Variants in INSR observed in about 807,000 individuals in gnomAD.
INSR encodes the protein insulin receptor.
In INSR, 67 loss-of-function variants were observed where a neutral mutation model predicts 142.6. That is an observed-to-expected ratio of 0.47 (90% CI 0.39 to 0.58). INSR has a LOEUF of 0.58. Among genes scored for constraint, INSR ranks in the 20% least tolerant of loss-of-function variants. INSR has a pLI of 0.00. For missense variants in INSR, 1,248 were observed against 1,833.2 expected (o/e 0.68, Z 5.83); for synonymous variants, 756 against 743.1 (o/e 1.02, Z -0.28).
chr19:7,153,263 A>C (rs1973469685), intron 9 of INSR, among the ~76,000 whole-genome samples: 1 of 145,782 alleles, frequency 6.9e-6, no homozygotes, highest in African/African-American at 2.6e-5. Context: ...CACACACTAC[A>C]TGCACACCTC....
rs546010863 is a variant in INSR, at chr19:7,125,905, A to G, written c.3014-378T>C. 2.2e-3 allele frequency among the ~76,000 whole-genome samples: 333 copies of G among 151,804 alleles called. No individual in the cohort carries two copies. The highest frequency in any genetic ancestry group is 3.6e-3 in the Non-Finnish European group (241 of 67,862). ...GAAGACAGGTTGTAATAGGTTGGGGAAAAAAAAAGCCAGGATACTTGGAGC... is the reference window on the plus strand; with the variant it reads ...GAAGACAGGTTGTAATAGGTTGGGGGAAAAAAAAGCCAGGATACTTGGAGC... On this transcript the variant is annotated intron_variant, in intron 16 of 21. Coordinates refer to ENST00000302850, the MANE Select transcript of INSR (RefSeq NM_000208.4). The surrounding 1 kb of genome is among the most constrained non-coding windows in gnomAD (Gnocchi z 4.9).
intron 2 of INSR, among the ~76,000 whole-genome samples, chr19:7,188,484 G>A (rs1356955590): frequency 6.6e-6 from 1 of 151,412 alleles, no homozygotes; most frequent in African/African-American, 2.4e-5. Context: ...AACCTGGGAG[G>A]TGGAGGTTGC....
intron 14 of INSR, 147 bp downstream of exon 14, chr19:7,132,011 A>C: frequency 1.0e-6 from 1 of 958,290 alleles, no homozygotes; most frequent in Non-Finnish European, 1.6e-6. Flanking sequence ...GCAGGATCAA[A>C]GAGGGCAAGC....
chr19:7,126,790 G>A, intron 15 of INSR, 139 bp from the exon 16 acceptor site: 1 of 788,252 alleles, frequency 1.3e-6, no homozygotes, highest in Non-Finnish European at 2.2e-6. Context: ...TCTAGGGCAG[G>A]GATGGGGGAC....
intron 11 of INSR, among the ~76,000 whole-genome samples, chr19:7,146,483 G>GC (rs1428018460): frequency 6.6e-6 from 1 of 151,604 alleles, no homozygotes; most frequent in Non-Finnish European, 1.5e-5. Flanking sequence ...CTTGTGATCC[G>GC]CCCCCCACCT....
chr19:7,249,775 G>A (rs566416292), intron 2 of INSR, among the ~76,000 whole-genome samples: 5 of 152,182 alleles, frequency 3.3e-5, no homozygotes, highest in South Asian at 2.1e-4. Context: ...GGTGGATCAC[G>A]AGGTCAGGAG....
At position 7,150,581 on chromosome 19, in the gene INSR, A is replaced by C. The variant is rs1405290098; in HGVS notation, c.2232-49T>G. 1 of 1,589,128 alleles carries C rather than the reference A, an allele frequency of 6.3e-7. No individual in the cohort carries two copies. The highest frequency in any genetic ancestry group is 1.1e-5 in the South Asian group (1 of 90,302). The stretch of plus-strand genomic sequence containing the variant: ...TTGAGGACAGAGGGAACTTCATTAG[A>C]CAGACCACTGGGCTCTGACACTTGG... On this transcript the variant is annotated intron_variant, in intron 10 of 21. Coordinates refer to ENST00000302850, the MANE Select transcript of INSR (RefSeq NM_000208.4). The surrounding 1 kb of genome is among the most constrained non-coding windows in gnomAD (Gnocchi z 4.2).
intron 2 of INSR, among the ~76,000 whole-genome samples, chr19:7,222,977 G>A (rs1238208838): frequency 2.0e-5 from 3 of 152,168 alleles, no homozygotes; most frequent in Non-Finnish European, 4.4e-5. Context: ...GAGGTCAGGA[G>A]TTTGAGACCA....
At chr19:7,135,755 G>T (rs1035743340) in intron 13 of INSR, among the ~76,000 whole-genome samples, 5 of 151,920 alleles carry the variant, frequency 3.3e-5, no homozygotes, top group Admixed American at 2.0e-4. Flanking sequence ...CAGATCACGA[G>T]GTCAGGAGTT....
intron 13 of INSR, among the ~76,000 whole-genome samples, chr19:7,138,253 T>C (rs1229594634): frequency 1.3e-5 from 2 of 151,942 alleles, no homozygotes; most frequent in Non-Finnish European, 2.9e-5. Flanking sequence ...CGTGAGCCAC[T>C]GCACCCAGCA....
In INSR at chr19:7,159,870, T is replaced by G. The variant is rs886991880; in HGVS notation, c.2029+3162A>C. 6.6e-6 allele frequency among the ~76,000 whole-genome samples: 1 copy of G among 152,136 alleles called. No homozygotes were observed. The highest frequency in any genetic ancestry group is 1.5e-5 in the Non-Finnish European group (1 of 68,024). ...GGTCAGGGCCAGAGCCAAGAGCAAA[T>G]GTTGAGCTCCTGGCCTCAGCCACAC... On this transcript the variant is annotated intron_variant, in intron 9 of 21. Transcript: ENST00000302850. The surrounding 1 kb of genome is among the most constrained non-coding windows in gnomAD (Gnocchi z 4.3).
At chr19:7,286,588 A>G (rs1188748609) in intron 1 of INSR, among the ~76,000 whole-genome samples, 5 of 151,622 alleles carry the variant, frequency 3.3e-5, no homozygotes, top group Non-Finnish European at 2.9e-5. Flanking sequence ...ATGTCTCATT[A>G]TGTTGCCCAG....
chr19:7,227,285 T>TC (rs1975816978), intron 2 of INSR, among the ~76,000 whole-genome samples: 1 of 152,248 alleles, frequency 6.6e-6, no homozygotes, highest in South Asian at 2.1e-4. Context: ...TCTTTTTTTT[T>TC]TTTTAAAGAC....
At chr19:7,250,575 AAGGAGGGAGGGAAGGAAGGAAGGAG>A (rs933780848) in intron 2 of INSR, among the ~76,000 whole-genome samples, 28 of 128,554 alleles carry the variant, frequency 2.2e-4, no homozygotes, top group African/African-American at 4.7e-4. Context: ...AAAAGGAAGG[AAGGAGGGAGGGAAGGAAGGAAGGAG>A]AGGAGGGAGG....
intron 12 of INSR, among the ~76,000 whole-genome samples, 156 bp from the exon 13 acceptor site, chr19:7,141,972 T>C (rs1445147050): frequency 2.0e-5 from 3 of 152,084 alleles, no homozygotes; most frequent in Non-Finnish European, 2.9e-5. Context: ...TCCCACAAGA[T>C]TGTTAGGAAG....
intron 1 of INSR, among the ~76,000 whole-genome samples, chr19:7,286,059 C>T (rs986137992): frequency 2.6e-5 from 4 of 152,056 alleles, no homozygotes; most frequent in African/African-American, 7.3e-5. Flanking sequence ...AGCTCACTGG[C>T]GCCTCGACTT....
chr19:7,162,773 T>C (rs1973787841), intron 9 of INSR, among the ~76,000 whole-genome samples: 1 of 151,848 alleles, frequency 6.6e-6, no homozygotes, highest in South Asian at 2.1e-4. Flanking sequence ...TGAGCCAAGG[T>C]CGCGTCATTG....
At position 7,163,240 on chromosome 19, in the gene INSR, T is replaced by A. The variant is rs529912537; in HGVS notation, c.1862-41A>T. The stretch of plus-strand genomic sequence containing the variant: ...GAAATGGGTCCATCATGAGAAACAG[T>A]GTGCAAAGAAAGCTGGTGGGAGGAT... On this transcript the variant is annotated intron_variant, in intron 8 of 21. Transcript: ENST00000302850. 5.1e-6 allele frequency: 8 copies of A among 1,580,200 alleles called. No individual in the cohort carries two copies. The East Asian group carries it at 1.6e-4, about 31-fold the overall frequency.
intron 13 of INSR, among the ~76,000 whole-genome samples, chr19:7,135,304 C>CTTTTTTT (rs34080394): frequency 1.0e-4 from 6 of 60,034 alleles, no homozygotes; most frequent in Non-Finnish European, 1.8e-4. Context: ...AATGCATCTT[C>CTTTTTTT]TTTTTTTTTT....
Sources: gnomAD v4.1 joint callset for allele counts (sites outside exome capture counted in the v4.1 genomes callset) on GRCh38, gnomAD v4.1.1 for gene constraint, Gnocchi (gnomAD v3.1) non-coding constraint, MANE v1.5 for transcripts, NCBI Gene and HGNC (gene_info 2026-07-23, HGNC 2026-07-21) for gene names.